CRPPA: variants seen among roughly 807,000 people sequenced by gnomAD.
CRPPA encodes the protein CDP-L-ribitol pyrophosphorylase A.
In CRPPA, 43 loss-of-function variants were observed where a neutral mutation model predicts 52.0. The ratio of observed to expected loss-of-function variants is 0.83; its 90% CI spans 0.65 to 1.07. The LOEUF (loss-of-function observed/expected upper bound fraction) is 1.07, where lower values mean the gene tolerates loss of function less well. Among genes scored for constraint, CRPPA ranks in the 50% least tolerant of loss-of-function variants. The probability of loss-of-function intolerance (pLI) is 0.00; values close to 1 mark genes in which losing one functional copy is unlikely to be tolerated. For synonymous variants in CRPPA, 250 were observed against 203.5 expected (o/e 1.23, Z -1.94); for missense variants, 629 against 551.7 (o/e 1.14, Z -1.40).
chr7:16,290,677 A>G (rs1162565901), intron 5 of CRPPA, among the ~76,000 whole-genome samples: 1 of 152,136 alleles, frequency 6.6e-6, no homozygotes, highest in Non-Finnish European at 1.5e-5. Flanking sequence ...GTAAGATGCA[A>G]AACTATGAAA....
chr7:16,215,985 C>A, intron 9 of CRPPA, 81 bp downstream of exon 9: 1 of 1,088,222 alleles, frequency 9.2e-7, no homozygotes. Context: ...CAATAATATC[C>A]TCCTGCTTTT....
intron 3 of CRPPA, among the ~76,000 whole-genome samples, chr7:16,366,385 A>C (rs1325213466): frequency 1.3e-5 from 2 of 152,182 alleles, no homozygotes; most frequent in African/African-American, 4.8e-5. Flanking sequence ...TTAAAACACA[A>C]ATCAATATAC....
intron 2 of CRPPA, among the ~76,000 whole-genome samples, chr7:16,393,677 A>G (rs1205804024): frequency 6.6e-6 from 1 of 152,146 alleles, no homozygotes; most frequent in African/African-American, 2.4e-5. Context: ...TTTTTAAACC[A>G]GGCAAAAACA....
At chr7:16,359,032 A>C (rs1786376547) in intron 3 of CRPPA, among the ~76,000 whole-genome samples, 1 of 152,250 alleles carries the variant, frequency 6.6e-6, no homozygotes, top group Non-Finnish European at 1.5e-5. Flanking sequence ...GAATGCAACA[A>C]AACTATTTCA....
At chr7:16,270,377 A>G (rs868752893) in intron 6 of CRPPA, 4 of 152,302 alleles carry the variant, frequency 2.6e-5, no homozygotes, top group Middle Eastern at 3.4e-3. Context: ...AAAGAAAAAA[A>G]TAGAGAAAAT....
intron 5 of CRPPA, among the ~76,000 whole-genome samples, chr7:16,280,716 A>C (rs889062344): frequency 6.6e-6 from 1 of 152,176 alleles, no homozygotes; most frequent in African/African-American, 2.4e-5. Flanking sequence ...ATTTTTAAAA[A>C]ATGAATTCAA....
At chr7:16,245,044 A>T (rs1023968272) in intron 8 of CRPPA, among the ~76,000 whole-genome samples, 10 of 149,188 alleles carry the variant, frequency 6.7e-5, no homozygotes, top group African/African-American at 2.4e-4. Context: ...AAAGTCTTAC[A>T]TTTAAAAAAA....
rs534404367 is a variant in CRPPA, at chr7:16,299,995, C to A, written c.835+1426G>T. On this transcript the variant is annotated intron_variant, in intron 5 of 9. Transcript: ENST00000407010. The stretch of plus-strand genomic sequence containing the variant: ...AGAAACCAAACTGAGTTTTATATTT[C>A]CTTGTGTTGAGGACACGACCGACCA... 3.3e-5 allele frequency among the ~76,000 whole-genome samples: 5 copies of A among 152,270 alleles called. No homozygotes were observed. The South Asian group carries it at 8.3e-4, about 25-fold the overall frequency.
rs1327350997 is a variant in CRPPA at position 16,220,782 on chromosome 7, G to A, written c.1120-4585C>T. ...AAGGACAACTACAAACCACTGCTCA[G>A]GGAAATAAAAGAGGATACAAACAAA... On this transcript the variant is annotated intron_variant, in intron 8 of 9. Coordinates refer to ENST00000407010, the MANE Select transcript of CRPPA (RefSeq NM_001101426.4). Among the ~76,000 whole-genome samples the A allele has an allele frequency of 2.6e-5, 4 of 151,822 alleles. No individual in the cohort carries two copies. The South Asian group carries it at 6.3e-4, about 24-fold the overall frequency.
chr7:16,416,852 A>G (rs1210763151), intron 1 of CRPPA, among the ~76,000 whole-genome samples: 1 of 152,108 alleles, frequency 6.6e-6, no homozygotes, highest in Non-Finnish European at 1.5e-5. Context: ...CAAAAAAACA[A>G]TAGAGCTTCT....
intron 9 of CRPPA, among the ~76,000 whole-genome samples, chr7:16,140,629 T>C (rs1287595467): frequency 6.6e-6 from 1 of 152,212 alleles, no homozygotes; most frequent in African/African-American, 2.4e-5. Context: ...CATTATATAA[T>C]CCTTTTTATC....
intron 9 of CRPPA, chr7:16,209,285 T>TC (rs1782062879): frequency 4.9e-6 from 1 of 202,956 alleles, no homozygotes; most frequent in Admixed American, 6.1e-5. Flanking sequence ...TTTTTTTTTT[T>TC]TTTTTGAGAC....
intron 9 of CRPPA, among the ~76,000 whole-genome samples, chr7:16,207,771 C>G (rs1361884039): frequency 6.6e-6 from 1 of 152,140 alleles, no homozygotes; most frequent in Non-Finnish European, 1.5e-5. Context: ...AGACTAAAAT[C>G]AAATCCCATT....
intron 3 of CRPPA, among the ~76,000 whole-genome samples, chr7:16,320,863 T>C (rs184323248): frequency 6.6e-6 from 1 of 152,298 alleles, no homozygotes; most frequent in Non-Finnish European, 1.5e-5. Flanking sequence ...AGTCATTTTA[T>C]GAGTAAATAA....
At chr7:16,216,891 C>G (rs529895341) in intron 8 of CRPPA, among the ~76,000 whole-genome samples, 1 of 151,982 alleles carries the variant, frequency 6.6e-6, no homozygotes, top group Non-Finnish European at 1.5e-5. Context: ...CCCAGGCTTG[C>G]TTAGGTAAAC....
At chr7:16,188,002 C>A (rs28659775) in intron 9 of CRPPA, among the ~76,000 whole-genome samples, 3,443 of 150,834 alleles carry the variant, frequency 0.023, 134 homozygotes, top group African/African-American at 0.08. Context: ...TAAATGAGGA[C>A]CTGAACCAAT....
intron 6 of CRPPA, chr7:16,276,701 G>T (rs1273179371): frequency 6.6e-6 from 1 of 152,118 alleles, no homozygotes; most frequent in Non-Finnish European, 1.5e-5. Context: ...TCAACATAAG[G>T]ATTGTAGTGG....
chr7:16,189,492 GTTGAGC>G (rs1781565925), intron 9 of CRPPA, among the ~76,000 whole-genome samples: 1 of 152,192 alleles, frequency 6.6e-6, no homozygotes, highest in Non-Finnish European at 1.5e-5. Context: ...CATCTAGATA[GTTGAGC>G]AAGAGCTACC....
chr7:16,147,927 C>T (rs569249745), intron 9 of CRPPA, among the ~76,000 whole-genome samples: 1 of 152,230 alleles, frequency 6.6e-6, no homozygotes, highest in Admixed American at 6.5e-5. Flanking sequence ...CTCATTCTTA[C>T]AACTTGTAAT....
Sources: allele counts gnomAD v4.1 joint callset (sites outside exome capture counted in the v4.1 genomes callset), GRCh38; gene constraint gnomAD v4.1.1; transcripts MANE v1.5; gene names NCBI Gene and HGNC (gene_info 2026-07-23, HGNC 2026-07-21).